Variants in PPID observed in about 807,000 individuals in gnomAD.
PPID encodes the protein peptidylprolyl isomerase D.
Under a neutral mutation model 48.1 loss-of-function variants are expected in PPID, and 47 were observed. The observed-to-expected ratio is 0.98, with a 90% CI of 0.77 to 1.25. The LOEUF (loss-of-function observed/expected upper bound fraction) is 1.25. Ranked by LOEUF, PPID falls within the 50% of genes most tolerant of loss-of-function variation. The probability of loss-of-function intolerance (pLI) is 0.00; values close to 1 mark genes in which losing one functional copy is unlikely to be tolerated. For missense variants in PPID, 429 were observed against 443.5 expected, an observed-to-expected ratio of 0.97 and a Z score of 0.29; for synonymous variants, 163 against 148.8, an observed-to-expected ratio of 1.10 and a Z score of -0.69.
chr4:158,716,297 A>C (rs760818580), intron 4 of PPID, among the ~76,000 whole-genome samples: 4 of 152,114 alleles, frequency 2.6e-5, no homozygotes, highest in African/African-American at 7.2e-5. Flanking sequence ...GTCTAAACCC[A>C]TAAGTAATTT....
Position 158,719,232 on chromosome 4 carries a change from C to T in PPID, c.281G>A (p.Gly94Asp). 3 of 1,611,688 alleles carry T rather than the reference C, an allele frequency of 1.9e-6. No homozygotes were observed. The highest frequency in any genetic ancestry group is 2.5e-6 in the Non-Finnish European group (3 of 1,178,192). The change falls in exon 3 of 10, where the codon GGT (glycine) becomes GAT (aspartate). Residue 94 changes from glycine to aspartate, a missense_variant. By Grantham distance (94) the Gly-to-Asp change is moderately conservative. Transcript: ENST00000307720. ...TTTTTCACCATAAATACTTTCTCCACCTGTCCCATTCTGATTTGAGAAGTC... is the reference window on the plus strand; with the variant it reads ...TTTTTCACCATAAATACTTTCTCCATCTGTCCCATTCTGATTTGAGAAGTC... ...GGDFSNQNGT[G>D]GESIYGEKFE...
At chr4:158,712,765 AAG>A (rs1774810606) in intron 7 of PPID, among the ~76,000 whole-genome samples, 2 of 152,182 alleles carry the variant, frequency 1.3e-5, no homozygotes, top group African/African-American at 4.8e-5. Context: ...TCAAAAAAAA[AAG>A]AAGAAGAAAA....
rs1417651987 is a variant in PPID, at chr4:158,715,380, T to G, written c.669A>C (p.Thr223=). The change falls in exon 6 of 10, where the codon ACA becomes ACC. Residue 223 remains threonine (T), a synonymous_variant. Coordinates refer to ENST00000307720, the MANE Select transcript of PPID (RefSeq NM_005038.3). ...TATTTCCAATGTTTTTTAAGTCTTC[T>G]GTTATTAATAAAATTTTATCTACCT... ...LKDVDKILLI[T]EDLKNIGNTF... 2.0e-6 allele frequency: 3 copies of G among 1,527,268 alleles called. No individual in the cohort carries two copies. The highest frequency in any genetic ancestry group is 2.6e-5 in the South Asian group (2 of 77,158). The allele number at this position is 1,527,268 out of a possible 1,614,324, so 94.6% of individuals were successfully genotyped here. A position where few individuals can be genotyped will look rare whatever the true frequency, so the allele number is the denominator to read the frequency against.
chr4:158,711,592 A>T (rs1017867784), intron 7 of PPID, among the ~76,000 whole-genome samples: 3 of 152,100 alleles, frequency 2.0e-5, no homozygotes, highest in Non-Finnish European at 4.4e-5. Context: ...CTCCCCTAGA[A>T]CAAACATTTT....
intron 6 of PPID, among the ~76,000 whole-genome samples, chr4:158,714,774 G>A (rs17843934): frequency 0.015 from 2,234 of 152,198 alleles, 53 homozygotes; most frequent in African/African-American, 0.049. Context: ...ATTTTTAGTA[G>A]AGATGGGGTT....
chr4:158,714,967 T>C (rs894596847), intron 6 of PPID, among the ~76,000 whole-genome samples: 1 of 152,212 alleles, frequency 6.6e-6, no homozygotes, highest in Non-Finnish European at 1.5e-5. Context: ...AATGTCTTTG[T>C]TTCTTAGGAA....
intron 2 of PPID, among the ~76,000 whole-genome samples, chr4:158,719,996 T>G (rs17843902): frequency 6.6e-6 from 1 of 151,936 alleles, no homozygotes; most frequent in East Asian, 1.9e-4. Context: ...GAACACACAC[T>G]TCCCCCAGCA....
At chr4:158,718,318 G>A (rs1007765832) in intron 3 of PPID, among the ~76,000 whole-genome samples, 1 of 152,170 alleles carries the variant, frequency 6.6e-6, no homozygotes, top group Non-Finnish European at 1.5e-5. Context: ...CACAGCCCAA[G>A]TAGCCATTCC....
At position 158,715,531 on chromosome 4, in the gene PPID, A is replaced by T. The variant is rs758821110; in HGVS notation, c.645+31T>A. ...CTAAATATTTTCACTTACTAAATTA[A>T]TTAAAGTTTGACTAATCTGAAAGTA... On this transcript the variant is annotated intron_variant, in intron 5 of 9. Coordinates refer to ENST00000307720, the MANE Select transcript of PPID (RefSeq NM_005038.3). 12 of 1,606,910 alleles carry T rather than the reference A, an allele frequency of 7.5e-6. No homozygotes were observed. The East Asian group carries it at 2.7e-4, about 36-fold the overall frequency.
chr4:158,714,782 G>A (rs1305942021), intron 6 of PPID, among the ~76,000 whole-genome samples: 2 of 152,040 alleles, frequency 1.3e-5, no homozygotes, highest in East Asian at 1.9e-4. Context: ...TAGAGATGGG[G>A]TTTCACCATA....
rs751192669 is a variant in PPID, at chr4:158,713,151, T to C, written c.862A>G (p.Asn288Asp). Reference sequence around the variant, plus strand: ...CAACTGTCAATTGCTCCCTGCCAATTTGACATCTTCAGTTTACAAGCACCA... The same window carrying C: ...CAACTGTCAATTGCTCCCTGCCAATCTGACATCTTCAGTTTACAAGCACCA... Reference protein sequence around the residue: ...NIGACKLKMSNWQGAIDSCLE... With the variant: ...NIGACKLKMSDWQGAIDSCLE... The change falls in exon 7 of 10, where the codon AAT (asparagine) becomes GAT (aspartate). Residue 288 changes from asparagine to aspartate, a missense_variant. Asn to Asp is a conservative substitution (Grantham distance 23). Transcript: ENST00000307720. The C allele has an allele frequency of 3.1e-6, 5 of 1,613,982 alleles. No individual in the cohort carries two copies. The highest frequency in any genetic ancestry group is 4.2e-6 in the Non-Finnish European group (5 of 1,180,000).
rs1406965193 is a variant in PPID, at chr4:158,710,864, A to C, written c.895-16T>G. The C allele has an allele frequency of 6.3e-7, 1 of 1,588,834 alleles. No homozygotes were observed. Among genetic ancestry groups the C allele is most frequent in the Non-Finnish European group, 8.6e-7 (1 of 1,158,910 alleles). On this transcript the variant is annotated splice_polypyrimidine_tract_variant and intron_variant, in intron 7 of 9. Coordinates refer to ENST00000307720, the MANE Select transcript of PPID (RefSeq NM_005038.3). Reference sequence around the variant, plus strand: ...GTTCAAGAGCCTACAAAAAAGTATAAAGCTAGTATTTATATCAAAGTATTA... The same window carrying C: ...GTTCAAGAGCCTACAAAAAAGTATACAGCTAGTATTTATATCAAAGTATTA...
chr4:158,723,325 G>C lies in PPID; in HGVS notation c.-37C>G. On this transcript the variant is annotated 5_prime_UTR_variant, in exon 1 of 10. Coordinates refer to ENST00000307720, the MANE Select transcript of PPID (RefSeq NM_005038.3). ...GACGTGTTTAGTACGGAATATCAGA[G>C]TACCTAGTGGCCGCCCGGGCCGCCC... 1 of 1,595,534 alleles carries C rather than the reference G, an allele frequency of 6.3e-7. No individual in the cohort carries two copies. The highest frequency in any genetic ancestry group is 8.6e-7 in the Non-Finnish European group (1 of 1,165,348).
chr4:158,715,323 A>G lies in PPID; in HGVS notation c.726T>C (p.Ala242=), dbSNP rs1179529277. ...TFFKSQNWEM[A]IKKYAEVLRY... is the part of the protein sequence containing the mutation. Reference sequence around the variant, plus strand: ...TTAAAACTTCTGCATATTTTTTAATAGCCATCTCCCAGTTCTGGGATTTGA... The same window carrying G: ...TTAAAACTTCTGCATATTTTTTAATGGCCATCTCCCAGTTCTGGGATTTGA... Residue 242 remains alanine (A), a synonymous_variant, in exon 6 of 10, where the codon GCT becomes GCC. Coordinates refer to ENST00000307720, the MANE Select transcript of PPID (RefSeq NM_005038.3). 1 of 1,527,082 alleles carries G rather than the reference A, an allele frequency of 6.5e-7. No individual in the cohort carries two copies. Among genetic ancestry groups the G allele is most frequent in the Non-Finnish European group, 8.8e-7 (1 of 1,138,994 alleles). The allele number at this position is 1,527,082 out of a possible 1,614,324, so 94.6% of individuals were successfully genotyped here. A position where few individuals can be genotyped will look rare whatever the true frequency, so the allele number is the denominator to read the frequency against.
chr4:158,715,457 C>A (rs1774855894), intron 5 of PPID, 54 bp from the exon 6 acceptor site: 2 of 1,513,804 alleles, frequency 1.3e-6, no homozygotes, highest in African/African-American at 2.8e-5. Flanking sequence ...TGGTTTAATG[C>A]TAGATTCTAT....
At chr4:158,722,116 A>G (rs1354312485) in intron 1 of PPID, among the ~76,000 whole-genome samples, 1 of 152,224 alleles carries the variant, frequency 6.6e-6, no homozygotes, top group African/African-American at 2.4e-5. Context: ...ATTCAAATTT[A>G]GTCTACCTAC....
At chr4:158,711,548 T>G (rs1774791750) in intron 7 of PPID, among the ~76,000 whole-genome samples, 1 of 152,110 alleles carries the variant, frequency 6.6e-6, no homozygotes. Flanking sequence ...CTACAACAGG[T>G]CTTTTAACCT....
At chr4:158,712,472 A>T (rs140040071) in intron 7 of PPID, among the ~76,000 whole-genome samples, 38 of 152,198 alleles carry the variant, frequency 2.5e-4, no homozygotes, top group African/African-American at 8.9e-4. Flanking sequence ...ATAACTCTCT[A>T]TAACTACTTC....
intron 3 of PPID, among the ~76,000 whole-genome samples, chr4:158,718,926 T>C (rs1354827167): frequency 6.6e-6 from 1 of 152,242 alleles, no homozygotes; most frequent in African/African-American, 2.4e-5. Context: ...TGCCAGATGC[T>C]GGTCGCATTT....
Sources: gnomAD v4.1 joint callset for allele counts (sites outside exome capture counted in the v4.1 genomes callset) on GRCh38, gnomAD v4.1.1 for gene constraint, MANE v1.5 for transcripts, NCBI Gene and HGNC (gene_info 2026-07-23, HGNC 2026-07-21) for gene names.